Variants in SYT6 observed in about 807,000 individuals in gnomAD.
SYT6 encodes synaptotagmin-6.
Under a neutral mutation model 38.4 loss-of-function variants are expected in SYT6, and 24 were observed. The ratio of observed to expected loss-of-function variants is 0.62; its 90% CI spans 0.45 to 0.88. The LOEUF is 0.88. Ranked by LOEUF, SYT6 falls within the 40% of genes least tolerant of loss-of-function variation. The probability of loss-of-function intolerance (pLI) is 0.00; values close to 1 mark genes in which losing one functional copy is unlikely to be tolerated. For synonymous variants in SYT6, 265 were observed against 241.9 expected (o/e 1.10, Z -0.89); for missense variants, 611 against 621.0 (o/e 0.98, Z 0.17).
rs1678482050 is a variant in SYT6 at position 114,136,340 on chromosome 1, G to A, written c.1071+1155C>T. Among the ~76,000 whole-genome samples the A allele has an allele frequency of 2.0e-5, 3 of 152,208 alleles. No homozygotes were observed. In the South Asian group the frequency reaches 6.2e-4, roughly 32 times the overall value. On this transcript the variant is annotated intron_variant, in intron 3 of 7. Coordinates refer to ENST00000610222, the MANE Select transcript of SYT6 (RefSeq NM_001253772.2). Reference sequence around the variant, plus strand: ...CAGAGTGGGGTTGCCCCTCCTCAGAGATATAGTGGAGGAAATATCCAGGTT... The same window carrying A: ...CAGAGTGGGGTTGCCCCTCCTCAGAAATATAGTGGAGGAAATATCCAGGTT...
chr1:114,102,817 C>T (rs1474478022), intron 4 of SYT6, among the ~76,000 whole-genome samples: 1 of 152,078 alleles, frequency 6.6e-6, no homozygotes, highest in African/African-American at 2.4e-5. Context: ...CTCCTCAGAG[C>T]AGTCTGAGCT....
intron 3 of SYT6, among the ~76,000 whole-genome samples, chr1:114,117,992 T>C (rs1677099246): frequency 6.6e-6 from 1 of 152,228 alleles, no homozygotes; most frequent in African/African-American, 2.4e-5. Flanking sequence ...TGTTCCATCC[T>C]GCTGTGGAGC....
chr1:114,098,011 C>T, intron 5 of SYT6, 134 bp from the exon 6 acceptor site: 2 of 1,037,644 alleles, frequency 1.9e-6, no homozygotes, highest in Admixed American at 5.1e-5. Flanking sequence ...AGATGCTTGG[C>T]AGGGCTTCTG....
intron 1 of SYT6, among the ~76,000 whole-genome samples, chr1:114,145,886 TAGG>T: frequency 6.6e-6 from 1 of 151,930 alleles, no homozygotes; most frequent in East Asian, 1.9e-4. Context: ...AAAAGAGAGG[TAGG>T]AGAAGGGGGT....
At chr1:114,104,992 C>A (rs1433823713) in intron 3 of SYT6, among the ~76,000 whole-genome samples, 1 of 152,044 alleles carries the variant, frequency 6.6e-6, no homozygotes, top group Non-Finnish European at 1.5e-5. Flanking sequence ...CCCCTCCCTC[C>A]CTCCCGACTC....
At chr1:114,129,284 T>A (rs2774306) in intron 3 of SYT6, among the ~76,000 whole-genome samples, 1 of 152,234 alleles carries the variant, frequency 6.6e-6, no homozygotes, top group Non-Finnish European at 1.5e-5. Context: ...ATCTCTTTTT[T>A]AAGACAATCA....
At chr1:114,094,335 A>C (rs1333408315) in intron 6 of SYT6, among the ~76,000 whole-genome samples, 1 of 152,286 alleles carries the variant, frequency 6.6e-6, no homozygotes, top group African/African-American at 2.4e-5. Flanking sequence ...TGTTCCAGTA[A>C]GGTCTTTTGT....
intron 6 of SYT6, among the ~76,000 whole-genome samples, chr1:114,094,739 T>C (rs750094268): frequency 1.8e-4 from 28 of 152,340 alleles, no homozygotes; most frequent in Middle Eastern, 3.4e-3. Context: ...TTTGCGGATA[T>C]GATGCCATTT....
At chr1:114,095,729 C>T (rs905195025) in intron 6 of SYT6, among the ~76,000 whole-genome samples, 18 of 151,478 alleles carry the variant, frequency 1.2e-4, no homozygotes, top group Non-Finnish European at 2.9e-5. Context: ...GGTGCGATCT[C>T]AGCTCACTGC....
At chr1:114,146,089 T>C (rs982119379) in intron 1 of SYT6, among the ~76,000 whole-genome samples, 1 of 152,138 alleles carries the variant, frequency 6.6e-6, no homozygotes, top group Non-Finnish European at 1.5e-5. Flanking sequence ...AAGAATCTTA[T>C]TGCAGGACTA....
chr1:114,133,149 GCA>G (rs769067589), intron 3 of SYT6, among the ~76,000 whole-genome samples: 2 of 151,728 alleles, frequency 1.3e-5, no homozygotes, highest in Admixed American at 1.3e-4. Flanking sequence ...ACACATGCAT[GCA>G]CACACACACT....
intron 1 of SYT6, among the ~76,000 whole-genome samples, chr1:114,145,926 G>A (rs1392971479): frequency 1.3e-5 from 2 of 152,128 alleles, no homozygotes; most frequent in Non-Finnish European, 2.9e-5. Context: ...GTTTTCCTTG[G>A]TGTGGTTGCT....
intron 3 of SYT6, among the ~76,000 whole-genome samples, chr1:114,124,144 A>G (rs1194674994): frequency 6.6e-6 from 1 of 152,226 alleles, no homozygotes; most frequent in African/African-American, 2.4e-5. Context: ...ATGGCTTTAC[A>G]AGCCCCACAG....
chr1:114,114,166 G>A (rs576607700), intron 3 of SYT6, among the ~76,000 whole-genome samples: 1 of 152,326 alleles, frequency 6.6e-6, no homozygotes, highest in Admixed American at 6.5e-5. Flanking sequence ...CCAGGGCCAG[G>A]ACAAGGGTGA....
intron 3 of SYT6, among the ~76,000 whole-genome samples, chr1:114,131,913 C>T (rs577892465): frequency 6.6e-5 from 10 of 152,330 alleles, no homozygotes; most frequent in Admixed American, 6.5e-4. Context: ...GAACAAAACA[C>T]TCTTCTGGAT....
intron 4 of SYT6, among the ~76,000 whole-genome samples, chr1:114,100,602 A>G (rs1221490890): frequency 6.6e-6 from 1 of 152,240 alleles, no homozygotes; most frequent in Non-Finnish European, 1.5e-5. Context: ...GGTTGGGTTT[A>G]TGGAGAGACC....
chr1:114,111,299 G>A (rs12095538), intron 3 of SYT6, among the ~76,000 whole-genome samples: 1 of 151,948 alleles, frequency 6.6e-6, no homozygotes, highest in African/African-American at 2.4e-5. Context: ...AAAAGCCTTG[G>A]GAGATGGCTA....
At chr1:114,144,709 A>C (rs1679065973) in intron 1 of SYT6, among the ~76,000 whole-genome samples, 1 of 152,150 alleles carries the variant, frequency 6.6e-6, no homozygotes, top group Non-Finnish European at 1.5e-5. Flanking sequence ...TTGAATGCCC[A>C]GTCCCCTGCT....
At chr1:114,099,616 G>A (rs1171195356) in intron 4 of SYT6, among the ~76,000 whole-genome samples, 1 of 152,214 alleles carries the variant, frequency 6.6e-6, no homozygotes, top group African/African-American at 2.4e-5. Flanking sequence ...ACTCAAAAAG[G>A]TGATGAGGCT....
Sources: gnomAD v4.1 joint callset for allele counts (sites outside exome capture counted in the v4.1 genomes callset) on GRCh38, gnomAD v4.1.1 for gene constraint, MANE v1.5 for transcripts, NCBI Gene and HGNC (gene_info 2026-07-23, HGNC 2026-07-21) for gene names.